Variants in PCDH11X observed in about 807,000 individuals in gnomAD.
PCDH11X encodes protocadherin-11 X-linked.
In PCDH11X, 18 loss-of-function variants were observed where a neutral mutation model predicts 53.3. The observed-to-expected ratio is 0.34, with a 90% CI of 0.23 to 0.50. PCDH11X has a LOEUF of 0.50. Among genes scored for constraint, PCDH11X ranks in the 20% least tolerant of loss-of-function variants. The pLI is 0.98. For missense variants in PCDH11X, 570 were observed against 1,032.4 expected (o/e 0.55, Z 6.14); for synonymous variants, 279 against 393.3 (o/e 0.71, Z 3.44).
At chrX:92,032,543 A>G (rs1414424957) in intron 6 of PCDH11X, among the ~76,000 whole-genome samples, 3 of 111,073 alleles carry the variant, frequency 2.7e-5, no homozygotes, top group Non-Finnish European at 3.8e-5. Flanking sequence ...TAAAGTGGGT[A>G]TCCTTGTCGT....
chrX:92,305,950 T>TA (rs1323527426), intron 8 of PCDH11X, among the ~76,000 whole-genome samples: 5 of 107,477 alleles, frequency 4.7e-5, no homozygotes, highest in African/African-American at 1.7e-4. Flanking sequence ...TGTGTTTTTT[T>TA]AAAAAATAGG....
chrX:91,941,144 A>T (rs900228199), intron 6 of PCDH11X, among the ~76,000 whole-genome samples: 10 of 111,272 alleles, frequency 9.0e-5, no homozygotes, highest in Admixed American at 1.9e-4. Flanking sequence ...AGAAAGAAGA[A>T]AACAGGAAAG....
intron 9 of PCDH11X, among the ~76,000 whole-genome samples, chrX:92,432,087 C>A (rs2072262438): frequency 1.8e-5 from 2 of 109,808 alleles, no homozygotes; most frequent in Admixed American, 9.8e-5. Flanking sequence ...AGTTAATGAT[C>A]CTTTTGCATT....
chrX:92,587,263 A>G (rs752618210), intron 10 of PCDH11X, among the ~76,000 whole-genome samples: 1 of 111,444 alleles, frequency 9.0e-6, no homozygotes, highest in Non-Finnish European at 1.9e-5. Context: ...AAATATTTGT[A>G]TAATGAACAT....
intron 5 of PCDH11X, among the ~76,000 whole-genome samples, chrX:91,870,514 GA>G (rs1039950982): frequency 6.1e-4 from 65 of 106,791 alleles, no homozygotes; most frequent in African/African-American, 1.9e-3. Context: ...ACACAATAGG[GA>G]AAAAAAAATC....
At chrX:92,074,370 G>A (rs2063745247) in intron 6 of PCDH11X, among the ~76,000 whole-genome samples, 2 of 110,369 alleles carry the variant, frequency 1.8e-5, no homozygotes, top group African/African-American at 6.6e-5. Context: ...TAGAAAATAA[G>A]GCTTGTGGTA....
At chrX:92,011,239 C>T (rs2062685989) in intron 6 of PCDH11X, among the ~76,000 whole-genome samples, 2 of 111,773 alleles carry the variant, frequency 1.8e-5, no homozygotes, top group African/African-American at 6.5e-5. Flanking sequence ...GGGTATATAA[C>T]CAGGAATAGG....
At chrX:91,921,044 A>G (rs988374511) in intron 6 of PCDH11X, among the ~76,000 whole-genome samples, 2 of 111,884 alleles carry the variant, frequency 1.8e-5, no homozygotes, top group Non-Finnish European at 3.8e-5. Flanking sequence ...TAATAATAAC[A>G]TTTACCACAA....
chrX:91,785,731 G>A (rs1304331763), intron 1 of PCDH11X, among the ~76,000 whole-genome samples: 4 of 108,703 alleles, frequency 3.7e-5, no homozygotes, highest in Non-Finnish European at 7.6e-5. Flanking sequence ...TAGGTAAGAT[G>A]TCTTGATGTT....
At chrX:91,978,230 T>C (rs2062073059) in intron 6 of PCDH11X, among the ~76,000 whole-genome samples, 1 of 109,292 alleles carries the variant, frequency 9.1e-6, no homozygotes. Flanking sequence ...CTGAGTGGTC[T>C]TTCGGGTCCC....
At chrX:92,426,549 C>A (rs1282418916) in intron 9 of PCDH11X, among the ~76,000 whole-genome samples, 9 of 106,864 alleles carry the variant, frequency 8.4e-5, no homozygotes, top group African/African-American at 3.1e-4. Flanking sequence ...ATTTAGATGA[C>A]AAAAACAAAG....
intron 10 of PCDH11X, among the ~76,000 whole-genome samples, chrX:92,580,905 C>T: frequency 9.0e-6 from 1 of 110,843 alleles, no homozygotes; most frequent in Non-Finnish European, 1.9e-5. Flanking sequence ...TGGGCCATTG[C>T]TCAACCCTGC....
chrX:91,893,313 A>T (rs901973425), intron 6 of PCDH11X, among the ~76,000 whole-genome samples: 1 of 108,187 alleles, frequency 9.2e-6, no homozygotes, highest in African/African-American at 3.4e-5. Flanking sequence ...ATTGATCTGG[A>T]TATAGTCCAT....
chrX:91,833,085 A>C (rs1002739171), intron 4 of PCDH11X, among the ~76,000 whole-genome samples: 3 of 100,273 alleles, frequency 3.0e-5, no homozygotes, highest in African/African-American at 1.1e-4. Context: ...CCCACTTATA[A>C]GTCAGAATAT....
intron 10 of PCDH11X, among the ~76,000 whole-genome samples, chrX:92,562,556 T>G (rs756122198): frequency 8.4e-5 from 9 of 106,949 alleles, no homozygotes; most frequent in Non-Finnish European, 1.5e-4. Context: ...CTGAAAAATT[T>G]TCAAACTTTT....
At chrX:92,121,137 T>G (rs1362478602) in intron 6 of PCDH11X, among the ~76,000 whole-genome samples, 4 of 108,868 alleles carry the variant, frequency 3.7e-5, no homozygotes, top group African/African-American at 1.3e-4. Flanking sequence ...TCTAAAATTT[T>G]TTTTGTTTTG....
chrX:91,930,149 G>T (rs1942077416), intron 6 of PCDH11X, among the ~76,000 whole-genome samples: 1 of 108,593 alleles, frequency 9.2e-6, no homozygotes, highest in East Asian at 2.9e-4. Flanking sequence ...ATTAAAAGGT[G>T]TTAGATCTAG....
chrX:92,308,268 A>T lies in PCDH11X; in HGVS notation c.3144+45125A>T, dbSNP rs759037435. Among the ~76,000 whole-genome samples, 12 of 111,758 alleles carry T rather than the reference A, an allele frequency of 1.1e-4. No homozygotes were observed. The South Asian group carries it at 3.4e-3, about 31-fold the overall frequency. ...CATAACTTACTACAAAGCCATAGTG[A>T]TCAAAACAGTGTGGGTGCTGGTATG... On this transcript the variant is annotated intron_variant, in intron 8 of 10. Transcript: ENST00000682573.
At chrX:91,852,099 C>T (rs1441791432) in intron 5 of PCDH11X, among the ~76,000 whole-genome samples, 10 of 102,521 alleles carry the variant, frequency 9.8e-5, no homozygotes, top group South Asian at 4.8e-4. Flanking sequence ...CTACAACCTC[C>T]GCCTCCCGGG....
Sources: allele counts gnomAD v4.1 joint callset (sites outside exome capture counted in the v4.1 genomes callset), GRCh38; gene constraint gnomAD v4.1.1; transcripts MANE v1.5; gene names NCBI Gene and HGNC (gene_info 2026-07-23, HGNC 2026-07-21).